SIDT2: variants seen among roughly 807,000 people sequenced by gnomAD.
SIDT2 encodes SID1 transmembrane family, member 2.
In SIDT2, 68 loss-of-function variants were observed where a neutral mutation model predicts 114.4. The ratio of observed to expected loss-of-function variants is 0.59; its 90% CI spans 0.49 to 0.73. SIDT2 has a LOEUF of 0.73. SIDT2 is among the 30% of genes least tolerant of loss of function. The pLI, the probability that SIDT2 is intolerant of heterozygous loss-of-function variation, is 0.00. For missense variants in SIDT2, 918 were observed against 1,097.1 expected (o/e 0.84, Z 2.31); for synonymous variants, 470 against 438.4 (o/e 1.07, Z -0.90).
In SIDT2 at chr11:117,193,207, C is replaced by G; in HGVS notation, c.2160C>G (p.Ala720=). The change falls in exon 23 of 26, where the codon GCC becomes GCG. Residue 720 remains alanine, a synonymous_variant. Coordinates refer to ENST00000324225, the MANE Select transcript of SIDT2 (RefSeq NM_001040455.2). The stretch of plus-strand genomic sequence containing the variant: ...ATGATTTCGCTTCCTACTTGTTGGC[C>G]ATTGGCATCTGCAACCTGCTCCTTT... The part of the protein sequence containing the change: ...RPNDFASYLL[A]IGICNLLLYF... 4 of 1,614,166 alleles carry G rather than the reference C, an allele frequency of 2.5e-6. No homozygotes were observed. Among genetic ancestry groups the G allele is most frequent in the Non-Finnish European group, 3.4e-6 (4 of 1,180,020 alleles).
Position 117,178,778 on chromosome 11 carries a change from C to G in SIDT2, c.-486C>G, listed in dbSNP as rs1370202895. On this transcript the variant is annotated 5_prime_UTR_variant, in exon 1 of 26. Coordinates refer to ENST00000324225, the MANE Select transcript of SIDT2 (RefSeq NM_001040455.2). ...CGTCGGGACGGCGCGTCCGCCCGCC[C>G]TTAAAGGGCCCGCACCTCGGAAAAC... 6.3e-6 allele frequency: 1 copy of G among 158,796 alleles called. No homozygotes were observed. Among genetic ancestry groups the G allele is most frequent in the African/African-American group, 2.4e-5 (1 of 41,522 alleles). 9.8% of individuals were successfully genotyped at this position (158,796 alleles called of 1,614,324 possible).
intron 12 of SIDT2, chr11:117,187,951 A>G (rs2030562278): frequency 1.5e-6 from 1 of 667,550 alleles, no homozygotes; most frequent in Non-Finnish European, 2.8e-6. Context: ...GTGCATTGCC[A>G]TGGGTAGACC....
chr11:117,189,992 A>G lies in SIDT2; in HGVS notation c.1460A>G (p.Asn487Ser). The stretch of plus-strand genomic sequence containing the variant: ...GGGAATCAGGACATCTGCTACTACA[A>G]CTTCCTCTGCGCCCACCCACTGGGC... ...VTGNQDICYY[N>S]FLCAHPLGNL... Residue 487 changes from asparagine (N) to serine (S), a missense_variant, in exon 16 of 26, where the codon AAC becomes AGC. Asn to Ser is a conservative substitution (Grantham distance 46). Around this residue, in one of 4 missense-constraint regions of SIDT2, gnomAD observed 18 missense variants for 39.6 expected, o/e 0.45. Coordinates refer to ENST00000324225, the MANE Select transcript of SIDT2 (RefSeq NM_001040455.2). The G allele has an allele frequency of 6.2e-7, 1 of 1,614,052 alleles. No individual in the cohort carries two copies. The highest frequency in any genetic ancestry group is 2.2e-5 in the East Asian group (1 of 44,862).
chr11:117,189,949 C>T lies in SIDT2; in HGVS notation c.1420-3C>T, dbSNP rs1165794618. On this transcript the variant is annotated splice_region_variant and splice_polypyrimidine_tract_variant and intron_variant, in intron 15 of 25. Transcript: ENST00000324225. Reference sequence around the variant, plus strand: ...CCACTCCCTGTCCCTGCTCCTGCTACAGGTGGTGAATGTCACAGGGAATCA... The same window carrying T: ...CCACTCCCTGTCCCTGCTCCTGCTATAGGTGGTGAATGTCACAGGGAATCA... 2 of 1,613,998 alleles carry T rather than the reference C, an allele frequency of 1.2e-6. No individual in the cohort carries two copies. The highest frequency in any genetic ancestry group is 2.2e-5 in the East Asian group (1 of 44,886).
chr11:117,192,753 G>A lies in SIDT2; in HGVS notation c.2059-67G>A, dbSNP rs1294644311. Reference sequence around the variant, plus strand: ...ACCCAGGGGAGAGTGGGGACCAGCTGGCTGGGCCTTCTTCCACCACCCTCC... The same window carrying A: ...ACCCAGGGGAGAGTGGGGACCAGCTAGCTGGGCCTTCTTCCACCACCCTCC... On this transcript the variant is annotated intron_variant, in intron 21 of 25. Transcript: ENST00000324225. This position sits in a 1 kb window ranked among gnomAD's most constrained non-coding sequence, Gnocchi z 5.9. 1.2e-5 allele frequency: 19 copies of A among 1,612,034 alleles called. No individual in the cohort carries two copies. The highest frequency in any genetic ancestry group is 1.5e-5 in the Non-Finnish European group (18 of 1,178,358).
chr11:117,188,711 G>A lies in SIDT2; in HGVS notation c.1163G>A (p.Arg388His), dbSNP rs61729987. ...TGDLSYGYQGRSFEPVGTRPR... is the reference protein window; with the variant it reads ...TGDLSYGYQGHSFEPVGTRPR... The stretch of plus-strand genomic sequence containing the variant: ...CCTCCCTCCCTGCCCTTTCCAGGCC[G>A]CTCCTTTGAACCTGTAGGTACTCGG... Residue 388 changes from arginine (R) to histidine (H), a missense_variant, in exon 13 of 26, where the codon CGC becomes CAC. Transcript: ENST00000324225. The surrounding 1 kb of genome is among the most constrained non-coding windows in gnomAD (Gnocchi z 4.0). 127 of 1,613,548 alleles carry A rather than the reference G, an allele frequency of 7.9e-5. 1 individual carries two copies. Among genetic ancestry groups the A allele is most frequent in the African/African-American group, 5.6e-4 (42 of 75,030 alleles).
In SIDT2 at chr11:117,190,793, A is replaced by G; in HGVS notation, c.1735+53A>G. On this transcript the variant is annotated intron_variant, in intron 18 of 25. Coordinates refer to ENST00000324225, the MANE Select transcript of SIDT2 (RefSeq NM_001040455.2). This position sits in a 1 kb window ranked among gnomAD's most constrained non-coding sequence, Gnocchi z 4.1. ...TCAACCTACAGCAGGGACCTGCCTG[A>G]GTCCTTCACTATCCCCAAGTCACCC... 7.1e-7 allele frequency: 1 copy of G among 1,413,940 alleles called. No homozygotes were observed. The allele number at this position is 1,413,940 out of a possible 1,614,324, so 87.6% of individuals were successfully genotyped here. A position where few individuals can be genotyped will look rare whatever the true frequency, so the allele number is the denominator to read the frequency against.
intron 22 of SIDT2, 115 bp from the exon 23 acceptor site, chr11:117,193,038 C>T (rs2030760645): frequency 3.0e-6 from 4 of 1,343,722 alleles, no homozygotes; most frequent in African/African-American, 2.9e-5. Context: ...CTAGAATCTT[C>T]TGTGGGCTTC....
chr11:117,183,868 C>T lies in SIDT2; in HGVS notation c.792C>T (p.Pro264=), dbSNP rs148566616. 1.6e-4 allele frequency: 263 copies of T among 1,612,914 alleles called. No homozygotes were observed. The African/African-American group carries it at 3.2e-3, about 19-fold the overall frequency. ...GCGGGGGCTCCCTGCCTTTCTACCC[C>T]TTCGCAGAAGGTACATTTTGTGCCC... ...QACGGSLPFY[P]FAEDEPVDQG... Residue 264 remains proline (P), a synonymous_variant, in exon 7 of 26, where the codon CCC becomes CCT. Coordinates refer to ENST00000324225, the MANE Select transcript of SIDT2 (RefSeq NM_001040455.2).
In SIDT2 at chr11:117,196,122, G is replaced by C. The variant is rs377076076; in HGVS notation, c.*56G>C. ...GGGCCCTGAGCTCCTTTGTGTCATA[G>C]ACCGGTCACTCTGTCGTGCTGTGGG... is the stretch of plus-strand genomic sequence containing the variant. On this transcript the variant is annotated 3_prime_UTR_variant, in exon 26 of 26. Transcript: ENST00000324225. The surrounding 1 kb of genome is among the most constrained non-coding windows in gnomAD (Gnocchi z 4.9). 2.5e-6 allele frequency: 4 copies of C among 1,610,300 alleles called. No individual in the cohort carries two copies. In the African/African-American group the frequency reaches 4.0e-5, roughly 16 times the overall value.
chr11:117,189,265 G>A lies in SIDT2; in HGVS notation c.1352+23G>A, dbSNP rs929103799. 4 of 1,614,004 alleles carry A rather than the reference G, an allele frequency of 2.5e-6. No individual in the cohort carries two copies. The African/African-American group carries it at 5.3e-5, about 22-fold the overall frequency. ...CTGGTGAGTGGGCTGAGTGTCTGGG[G>A]CTCTGCTGTTGGTGGGTGTGTGGCA... On this transcript the variant is annotated intron_variant, in intron 14 of 25. Transcript: ENST00000324225.
At position 117,182,635 on chromosome 11, in the gene SIDT2, C is replaced by G. The variant is rs748484957; in HGVS notation, c.618+15C>G. The G allele has an allele frequency of 1.9e-6, 3 of 1,614,066 alleles. No homozygotes were observed. The South Asian group carries it at 3.3e-5, about 18-fold the overall frequency. On this transcript the variant is annotated intron_variant, in intron 5 of 25. Coordinates refer to ENST00000324225, the MANE Select transcript of SIDT2 (RefSeq NM_001040455.2). Reference sequence around the variant, plus strand: ...AGGATGTGCTGGTGAGTTGCCTGCCCTTTTGCTCTTCCCCAGCAGGCAGCA... The same window carrying G: ...AGGATGTGCTGGTGAGTTGCCTGCCGTTTTGCTCTTCCCCAGCAGGCAGCA...
intron 10 of SIDT2, 68 bp from the exon 11 acceptor site, chr11:117,187,310 T>A: frequency 6.8e-7 from 1 of 1,472,234 alleles, no homozygotes; most frequent in Non-Finnish European, 9.5e-7. Context: ...GACCTTTCTT[T>A]GTTCTTCTCC....
At position 117,186,140 on chromosome 11, in the gene SIDT2, C is replaced by A; in HGVS notation, c.879C>A (p.Tyr293Ter). Reference sequence around the variant, plus strand: ...GTTTCCTCCTTGAAGCTGAGGCATACGTCAGTGGGATGCTCTTTTGCCTGG... The same window carrying A: ...GTTTCCTCCTTGAAGCTGAGGCATAAGTCAGTGGGATGCTCTTTTGCCTGG... ...LVSQAVTSEA[Y>*]VSGMLFCLGI... The change falls in exon 9 of 26, where the codon TAC (tyrosine) becomes TAA (stop). Residue 293 changes from tyrosine (Y) to a stop codon, truncating the protein, a stop_gained. Coordinates refer to ENST00000324225, the MANE Select transcript of SIDT2 (RefSeq NM_001040455.2). LOFTEE classifies it high-confidence loss of function. 1.2e-6 allele frequency: 2 copies of A among 1,613,938 alleles called. No individual in the cohort carries two copies. The highest frequency in any genetic ancestry group is 1.7e-6 in the Non-Finnish European group (2 of 1,179,956).
Position 117,196,016 on chromosome 11 carries a change from C to T in SIDT2, c.2449C>T (p.Leu817=). The T allele has an allele frequency of 6.2e-7, 1 of 1,614,256 alleles. No homozygotes were observed. Among genetic ancestry groups the T allele is most frequent in the East Asian group, 2.2e-5 (1 of 44,882 alleles). Residue 817 remains leucine (L), a synonymous_variant, in exon 26 of 26, where the codon CTG becomes TTG. Coordinates refer to ENST00000324225, the MANE Select transcript of SIDT2 (RefSeq NM_001040455.2). This position sits in a 1 kb window ranked among gnomAD's most constrained non-coding sequence, Gnocchi z 4.9. ...GTCCACACCCCAGGTGTTGCTGACA[C>T]TGGATGACGACCTGGATACTGTGCA... ...MFGSFLVLLT[L]DDDLDTVQRD...
Position 117,192,557 on chromosome 11 carries a change from C to G in SIDT2, c.1982-17C>G, listed in dbSNP as rs764566047. 5.0e-6 allele frequency: 8 copies of G among 1,606,886 alleles called. No individual in the cohort carries two copies. The Admixed American group carries it at 1.2e-4, about 23-fold the overall frequency. ...GGGTGCCCCGTGCCTGTCAGCACCA[C>G]TCCCTTCTCTTCGCAGACTCGGGGA... On this transcript the variant is annotated splice_polypyrimidine_tract_variant and intron_variant, in intron 20 of 25. Coordinates refer to ENST00000324225, the MANE Select transcript of SIDT2 (RefSeq NM_001040455.2). This position sits in a 1 kb window ranked among gnomAD's most constrained non-coding sequence, Gnocchi z 5.9.
intron 4 of SIDT2, 49 bp from the exon 5 acceptor site, chr11:117,182,470 G>T: frequency 6.5e-7 from 1 of 1,537,344 alleles, no homozygotes; most frequent in South Asian, 1.1e-5. Flanking sequence ...GAGGGGCCAA[G>T]AGAGCATCCT....
At position 117,185,889 on chromosome 11, in the gene SIDT2, A is replaced by AG; in HGVS notation, c.869-241_869-240insG. On this transcript the variant is annotated intron_variant, in intron 8 of 25. Transcript: ENST00000324225. The stretch of plus-strand genomic sequence containing the variant: ...CCCGTCTCAAAAAAAAAAAAAAAAA[A>AG]AAAAAAGTAGAAGAGAAAGTTCTAG... 2.0e-5 allele frequency: 7 copies of AG among 345,052 alleles called. No homozygotes were observed. The Admixed American group carries it at 2.7e-4, about 13-fold the overall frequency. 21.4% of individuals were successfully genotyped at this position (345,052 alleles called of 1,614,324 possible). A position where few individuals can be genotyped will look rare whatever the true frequency, so the allele number is the denominator to read the frequency against.
intron 10 of SIDT2, 139 bp from the exon 11 acceptor site, chr11:117,187,237 GTT>G: frequency 1.0e-6 from 1 of 956,794 alleles, no homozygotes; most frequent in East Asian, 2.5e-5. Flanking sequence ...AGTGGGGTGT[GTT>G]TGCCTGGATA....
Sources: allele counts gnomAD v4.1 joint callset, GRCh38; gene constraint gnomAD v4.1.1; regional missense constraint gnomAD v4.1.1; non-coding constraint Gnocchi (gnomAD v3.1); transcripts MANE v1.5; gene names NCBI Gene and HGNC (gene_info 2026-07-23, HGNC 2026-07-21).